HERC2: variants seen among roughly 807,000 people sequenced by gnomAD.
The protein encoded by HERC2 is HECT and RLD domain containing E3 ubiquitin protein ligase 2.
Under a neutral mutation model 537.7 loss-of-function variants are expected in HERC2, and 102 were observed. The ratio of observed to expected loss-of-function variants is 0.19; its 90% CI spans 0.16 to 0.22. HERC2 has a LOEUF of 0.22. Ranked by LOEUF, HERC2 falls within the 10% of genes least tolerant of loss-of-function variation. The pLI, the probability that HERC2 is intolerant of heterozygous loss-of-function variation, is 1.00. For synonymous variants in HERC2, 2,224 were observed against 2,466.2 expected (o/e 0.90, Z 2.91); for missense variants, 4,236 against 6,198.2 (o/e 0.68, Z 10.63).
intron 81 of HERC2, among the ~76,000 whole-genome samples, chr15:28,131,612 C>T (rs1042227694): frequency 2.0e-5 from 3 of 152,238 alleles, no homozygotes; most frequent in African/African-American, 7.2e-5. Flanking sequence ...GCCGACCCCA[C>T]CAGGACTGCA....
rs1382184843 is a variant in HERC2, at chr15:28,117,044, A to G, written c.13383T>C (p.Leu4461=). The G allele has an allele frequency of 3.1e-6, 5 of 1,614,146 alleles. No homozygotes were observed. Among genetic ancestry groups the G allele is most frequent in the Admixed American group, 1.7e-5 (1 of 60,018 alleles). ...ACTTGACTTTCCAGACACGGTGAGGAAGGAGGAGGCTGTCGGGACCAAACG... is the reference window on the plus strand; with the variant it reads ...ACTTGACTTTCCAGACACGGTGAGGGAGGAGGAGGCTGTCGGGACCAAACG... ...MSSFGPDSLL[L]PHRVWKVKFV... The change falls in exon 87 of 93, where the codon CTT becomes CTC. Residue 4461 remains leucine (L), a synonymous_variant. Coordinates refer to ENST00000261609, the MANE Select transcript of HERC2 (RefSeq NM_004667.6).
At chr15:28,117,216 G>T in intron 86 of HERC2, 62 bp from the exon 87 acceptor site, 1 of 1,529,828 alleles carries the variant, frequency 6.5e-7, no homozygotes, top group Non-Finnish European at 9.0e-7. Flanking sequence ...CACAGTCGGG[G>T]ATATGCGGCA....
intron 2 of HERC2, among the ~76,000 whole-genome samples, chr15:28,312,020 T>A (rs2930414): frequency 6.6e-6 from 1 of 151,958 alleles, no homozygotes; most frequent in Non-Finnish European, 1.5e-5. Flanking sequence ...AGACCTTGTC[T>A]TTCTGAGTGA....
In HERC2 at chr15:28,269,475, C is replaced by A. The variant is rs1470287421; in HGVS notation, c.1258-39G>T. The A allele has an allele frequency of 4.6e-6, 7 of 1,519,476 alleles. No individual in the cohort carries two copies. In the Admixed American group the frequency reaches 5.4e-5, roughly 12 times the overall value. The allele number at this position is 1,519,476 out of a possible 1,614,324, so 94.1% of individuals were successfully genotyped here. On this transcript the variant is annotated intron_variant, in intron 10 of 92. Coordinates refer to ENST00000261609, the MANE Select transcript of HERC2 (RefSeq NM_004667.6). ...AAGTAAACATTTCCTTTAACAACAACAACAATAAAAAAAGGCTGGGAGTAA... is the reference window on the plus strand; with the variant it reads ...AAGTAAACATTTCCTTTAACAACAAAAACAATAAAAAAAGGCTGGGAGTAA...
At chr15:28,195,972 T>C (rs1371264360) in intron 52 of HERC2, among the ~76,000 whole-genome samples, 2 of 152,206 alleles carry the variant, frequency 1.3e-5, no homozygotes, top group Non-Finnish European at 2.9e-5. Context: ...TAATGTTTCT[T>C]TATGGAAAAA....
chr15:28,265,628 G>T lies in HERC2; in HGVS notation c.1860C>A (p.Val620=). 1 of 1,613,858 alleles carries T rather than the reference G, an allele frequency of 6.2e-7. No individual in the cohort carries two copies. The highest frequency in any genetic ancestry group is 8.5e-7 in the Non-Finnish European group (1 of 1,179,858). ...CGSGDAQTLA[V]TENGQVWSWG... is the part of the protein sequence containing the mutation. ...GAGAGCTCTACGTACCGTTCTCAGTGACAGCCAGGGTTTGAGCATCCCCAC... is the reference window on the plus strand; with the variant it reads ...GAGAGCTCTACGTACCGTTCTCAGTTACAGCCAGGGTTTGAGCATCCCCAC... The change falls in exon 14 of 93, where the codon GTC becomes GTA. Residue 620 remains valine (V), a synonymous_variant. Transcript: ENST00000261609. This position sits in a 1 kb window ranked among gnomAD's most constrained non-coding sequence, Gnocchi z 4.0.
chr15:28,111,979 G>A lies in HERC2; in HGVS notation c.14289C>T (p.Phe4763=). 6 of 1,614,174 alleles carry A rather than the reference G, an allele frequency of 3.7e-6. 1 individual carries two copies. The highest frequency in any genetic ancestry group is 5.1e-6 in the Non-Finnish European group (6 of 1,180,028). The change falls in exon 93 of 93, where the codon TTC becomes TTT. Residue 4763 remains phenylalanine (F), a synonymous_variant. Transcript: ENST00000261609. ...DHFLPESYTC[F]FLLKLPRYSC... ...AATACCTGGGCAGCTTCAGCAAGAA[G>A]AAACAGGTGTAGGACTCAGGGAGGA...
rs141168199 is a variant in HERC2, at chr15:28,300,132, A to T, written c.73-616T>A. Among the ~76,000 whole-genome samples the T allele has an allele frequency of 6.6e-5, 10 of 152,128 alleles. No individual in the cohort carries two copies. The East Asian group carries it at 1.9e-3, about 29-fold the overall frequency. ...ACACGTGCATGTGCTCTGAAAAGAT[A>T]AACCAAAAGCAAGTACCAATGACTA... On this transcript the variant is annotated intron_variant, in intron 2 of 92. Coordinates refer to ENST00000261609, the MANE Select transcript of HERC2 (RefSeq NM_004667.6).
At chr15:28,321,143 T>C (rs1002097979) in intron 2 of HERC2, among the ~76,000 whole-genome samples, 2 of 152,184 alleles carry the variant, frequency 1.3e-5, no homozygotes, top group African/African-American at 4.8e-5. Context: ...GATCTCAAGT[T>C]TCGTGCACTT....
At chr15:28,278,180 C>T (rs961843916) in intron 5 of HERC2, among the ~76,000 whole-genome samples, 4 of 151,894 alleles carry the variant, frequency 2.6e-5, no homozygotes, top group African/African-American at 7.3e-5. Flanking sequence ...GCAGATCACT[C>T]GAGGCCAGCC....
intron 69 of HERC2, among the ~76,000 whole-genome samples, chr15:28,153,328 G>A (rs1566949246): frequency 6.6e-6 from 1 of 152,158 alleles, no homozygotes; most frequent in Non-Finnish European, 1.5e-5. Flanking sequence ...ACTCCAGCCT[G>A]GGTGACCCGA....
intron 69 of HERC2, among the ~76,000 whole-genome samples, chr15:28,158,030 A>G (rs1272934272): frequency 6.6e-6 from 1 of 152,140 alleles, no homozygotes; most frequent in African/African-American, 2.4e-5. Flanking sequence ...TTCGGTTTCC[A>G]TGTAGTTGAG....
At chr15:28,245,810 T>C (rs1387487627) in intron 23 of HERC2, 71 bp downstream of exon 23, 31 of 1,314,976 alleles carry the variant, frequency 2.4e-5, no homozygotes, top group South Asian at 1.4e-4. Flanking sequence ...TTCTTTCAAA[T>C]TGAAAGGCAA....
At chr15:28,236,128 G>A (rs955444626) in intron 26 of HERC2, among the ~76,000 whole-genome samples, 1 of 151,856 alleles carries the variant, frequency 6.6e-6, no homozygotes, top group African/African-American at 2.4e-5. Flanking sequence ...GCTGCAATAC[G>A]TGAGACCACC....
Position 28,257,038 on chromosome 15 carries a change from A to G in HERC2, c.2517+23T>C, listed in dbSNP as rs759024823. The G allele has an allele frequency of 1.0e-5, 16 of 1,592,488 alleles. No individual in the cohort carries two copies. The African/African-American group carries it at 2.0e-4, about 20-fold the overall frequency. On this transcript the variant is annotated intron_variant, in intron 17 of 92. Coordinates refer to ENST00000261609, the MANE Select transcript of HERC2 (RefSeq NM_004667.6). ...CCCTAAGACACTTACAAAAGGAGGA[A>G]GAAGAAGGGAAATCATGAATACCTG...
intron 52 of HERC2, among the ~76,000 whole-genome samples, chr15:28,195,284 A>T (rs1897249404): frequency 6.6e-6 from 1 of 151,986 alleles, no homozygotes; most frequent in Non-Finnish European, 1.5e-5. Flanking sequence ...GTCTCAAAAA[A>T]ATAATAATTA....
chr15:28,284,919 G>GGA (rs2076114850), intron 4 of HERC2, among the ~76,000 whole-genome samples: 7 of 32,526 alleles, frequency 2.2e-4, no homozygotes, highest in Admixed American at 6.1e-4. Context: ...CTCCGTCTCG[G>GGA]AAAAAAAAAA....
Position 28,233,729 on chromosome 15 carries a change from G to A in HERC2, c.4286C>T (p.Pro1429Leu). 6.2e-7 allele frequency: 1 copy of A among 1,613,334 alleles called. No homozygotes were observed. The highest frequency in any genetic ancestry group is 8.5e-7 in the Non-Finnish European group (1 of 1,179,368). Reference sequence around the variant, plus strand: ...ACCGACCTCTTCCACGGGATGCTCGGGGGGAAACATGATCGGTGTGGTCAA... The same window carrying A: ...ACCGACCTCTTCCACGGGATGCTCGAGGGGAAACATGATCGGTGTGGTCAA... ...CHLTTPIMFP[P>L]EHPVEEVGRL... The change falls in exon 28 of 93, where the codon CCC becomes CTC. Residue 1429 changes from proline to leucine, a missense_variant. By Grantham distance (98) the Pro-to-Leu change is moderately conservative. This residue lies in a region of HERC2 where 94 missense variants were observed against 174.9 expected (regional missense o/e 0.54). Transcript: ENST00000261609.
Position 28,205,287 on chromosome 15 carries a change from G to GCAGGGAGCACGTGCACCGCCCCACGTT in HERC2, c.7212+952_7212+953insAACGTGGGGCGGTGCACGTGCTCCCTG, listed in dbSNP as rs1339675366. ...ACACTCGGCATCTCCCAGCATGACT[G>GCAGGGAGCACGTGCACCGCCCCACGTT]CTCTCAAGTTGCTCAGCGTCTTCTT... On this transcript the variant is annotated intron_variant, in intron 45 of 92. Coordinates refer to ENST00000261609, the MANE Select transcript of HERC2 (RefSeq NM_004667.6). Among the ~76,000 whole-genome samples, 2 of 29,268 alleles carry GCAGGGAGCACGTGCACCGCCCCACGTT rather than the reference G, an allele frequency of 6.8e-5. 1 individual carries two copies. Among genetic ancestry groups the GCAGGGAGCACGTGCACCGCCCCACGTT allele is most frequent in the Non-Finnish European group, 1.5e-4 (2 of 12,960 alleles). 19.2% of individuals were successfully genotyped at this position (29,268 alleles called of 152,430 possible).
Sources: allele counts gnomAD v4.1 joint callset (sites outside exome capture counted in the v4.1 genomes callset), GRCh38; gene constraint gnomAD v4.1.1; regional missense constraint gnomAD v4.1.1; non-coding constraint Gnocchi (gnomAD v3.1); transcripts MANE v1.5; gene names NCBI Gene and HGNC (gene_info 2026-07-23, HGNC 2026-07-21).